The following ANK2 variants were observed in gnomAD, a reference collection of about 807,000 sequenced individuals.
ANK2 encodes the protein ankyrin-2.
In ANK2, 83 loss-of-function variants were observed where a neutral mutation model predicts 360.5. The observed-to-expected ratio is 0.23, with a 90% CI of 0.19 to 0.28. The LOEUF (loss-of-function observed/expected upper bound fraction) is 0.28, where lower values mean the gene tolerates loss of function less well. ANK2 is among the 10% of genes least tolerant of loss of function. ANK2 has a pLI of 1.00. For missense variants in ANK2, 4,201 were observed against 4,795.7 expected (o/e 0.88, Z 3.66); for synonymous variants, 1,740 against 1,759.5 (o/e 0.99, Z 0.28).
intron 2 of ANK2, among the ~76,000 whole-genome samples, chr4:112,990,737 C>T (rs2046457708): frequency 6.6e-6 from 1 of 152,154 alleles, no homozygotes; most frequent in Admixed American, 6.5e-5. Context: ...GCTCAGAGCA[C>T]CAGGATTCTC....
At chr4:112,848,259 A>G (rs2149902769) in intron 1 of ANK2, among the ~76,000 whole-genome samples, 1 of 152,290 alleles carries the variant, frequency 6.6e-6, no homozygotes, top group Middle Eastern at 3.4e-3. Flanking sequence ...TCCTGGGTTC[A>G]AGCGATTCTC....
At chr4:112,777,254 T>A in the ANK2 span, among the ~76,000 whole-genome samples, 1 of 152,154 alleles carries the variant, frequency 6.6e-6, no homozygotes, top group Non-Finnish European at 1.5e-5. Flanking sequence ...TTATTTATTT[T>A]TTGAGACAGA....
chr4:112,766,196 G>A, the ANK2 span, among the ~76,000 whole-genome samples: 1 of 152,090 alleles, frequency 6.6e-6, no homozygotes, highest in Admixed American at 6.6e-5. Context: ...GCCGGGCGTG[G>A]TGGTGCACGC....
At chr4:113,363,832 G>A (rs2096378339) in intron 40 of ANK2, among the ~76,000 whole-genome samples, 1 of 152,186 alleles carries the variant, frequency 6.6e-6, no homozygotes, top group African/African-American at 2.4e-5. Context: ...CCCCTGCAAT[G>A]GGATGGCATC....
intron 2 of ANK2, among the ~76,000 whole-genome samples, chr4:112,945,711 A>T (rs1314571953): frequency 6.6e-6 from 1 of 152,228 alleles, no homozygotes; most frequent in Non-Finnish European, 1.5e-5. Context: ...AACAGACTCC[A>T]GTTTGAAAAA....
At chr4:112,993,593 A>T (rs2047586561) in intron 2 of ANK2, among the ~76,000 whole-genome samples, 1 of 151,964 alleles carries the variant, frequency 6.6e-6, no homozygotes, top group African/African-American at 2.4e-5. Flanking sequence ...GGCATGAGCC[A>T]CTGTGCCTGG....
chr4:113,063,233 A>G (rs1452823753), intron 1 of ANK2, among the ~76,000 whole-genome samples: 1 of 152,134 alleles, frequency 6.6e-6, no homozygotes, highest in African/African-American at 2.4e-5. Flanking sequence ...TGTGTTTTAA[A>G]TGATAGCATT....
chr4:113,012,729 T>C (rs992036072), intron 2 of ANK2, among the ~76,000 whole-genome samples: 9 of 152,318 alleles, frequency 5.9e-5, no homozygotes, highest in African/African-American at 1.9e-4. Context: ...TGCCATTATT[T>C]ACCTGTATTC....
chr4:112,829,363 TCGTATCCTCAGGC>T lies in ANK2; in HGVS notation c.-40+11101_-40+11113del, dbSNP rs576344022. On this transcript the variant is annotated intron_variant, in intron 1 of 30. Transcript: ENST00000503271. Reference sequence around the variant, plus strand: ...ACATATATATTTACAATTATATTTATCGTATCCTCAGGCCTAGTGCAGTGGCTCATGCCTATAA... The same window carrying T: ...ACATATATATTTACAATTATATTTATCTAGTGCAGTGGCTCATGCCTATAA... Among the ~76,000 whole-genome samples the T allele has an allele frequency of 1.3e-3, 199 of 151,854 alleles. 1 individual carries two copies. Among genetic ancestry groups the T allele is most frequent in the African/African-American group, 4.5e-3 (185 of 41,414 alleles).
chr4:113,014,268 A>C (rs2055769676), intron 2 of ANK2, among the ~76,000 whole-genome samples: 1 of 152,240 alleles, frequency 6.6e-6, no homozygotes, highest in Admixed American at 6.5e-5. Context: ...TAAAAGATAA[A>C]AAAGCCAACA....
intron 1 of ANK2, among the ~76,000 whole-genome samples, chr4:113,135,146 T>C (rs1023752880): frequency 1.3e-5 from 2 of 152,208 alleles, no homozygotes. Context: ...TGTTTTTGCA[T>C]TTACAAGATG....
At chr4:112,743,294 A>G in the ANK2 span, among the ~76,000 whole-genome samples, 2 of 152,072 alleles carry the variant, frequency 1.3e-5, no homozygotes, top group Admixed American at 1.3e-4. Flanking sequence ...TTTAATTATT[A>G]TTTACATATT....
chr4:112,766,657 C>T, the ANK2 span, among the ~76,000 whole-genome samples: 2 of 152,190 alleles, frequency 1.3e-5, no homozygotes. Context: ...TATCCCTCTA[C>T]CCTCAAGCCC....
Position 112,926,167 on chromosome 4 carries a change from A to G in ANK2, c.21+21653A>G, listed in dbSNP as rs576034550. Reference sequence around the variant, plus strand: ...AAAACAAAGCACAGCAAAACAAAACAGAACAGAAAGCCTCCTCCAGTCATT... The same window carrying G: ...AAAACAAAGCACAGCAAAACAAAACGGAACAGAAAGCCTCCTCCAGTCATT... On this transcript the variant is annotated intron_variant, in intron 2 of 30. Transcript: ENST00000503271. Among the ~76,000 whole-genome samples the G allele has an allele frequency of 1.1e-4, 16 of 152,314 alleles. No homozygotes were observed. In the South Asian group the frequency reaches 3.3e-3, roughly 32 times the overall value.
At chr4:113,212,813 AATTCAGCACTAGTGCAGCCATG>A (rs2099040027) in intron 4 of ANK2, among the ~76,000 whole-genome samples, 1 of 152,224 alleles carries the variant, frequency 6.6e-6, no homozygotes, top group Non-Finnish European at 1.5e-5. Context: ...ATTGTTACCA[AATTCAGCACTAGTGCAGCCATG>A]CAAGACCAGC....
At chr4:113,311,205 T>G in intron 23 of ANK2, 50 bp from the exon 24 acceptor site, 1 of 1,611,450 alleles carries the variant, frequency 6.2e-7, no homozygotes, top group Non-Finnish European at 8.5e-7. Context: ...ATGTTGTAGT[T>G]GATATTACAT....
intron 28 of ANK2, 79 bp downstream of exon 28, chr4:113,332,149 TG>T (rs1393618321): frequency 7.7e-7 from 1 of 1,293,220 alleles, no homozygotes; most frequent in Non-Finnish European, 1.1e-6. Flanking sequence ...TTCTCTTTTT[TG>T]TCATTGTGCC....
At chr4:113,210,393 C>T (rs926625447) in intron 4 of ANK2, among the ~76,000 whole-genome samples, 1 of 152,102 alleles carries the variant, frequency 6.6e-6, no homozygotes, top group Non-Finnish European at 1.5e-5. Flanking sequence ...AATAATTGAC[C>T]AGAGGACTTT....
chr4:112,831,701 C>T (rs1487075477), intron 1 of ANK2, among the ~76,000 whole-genome samples: 8 of 152,138 alleles, frequency 5.3e-5, no homozygotes, highest in African/African-American at 7.2e-5. Flanking sequence ...TTTGTTTTTT[C>T]GCTCTTCACA....
Sources: allele counts gnomAD v4.1 joint callset (sites outside exome capture counted in the v4.1 genomes callset), GRCh38; gene constraint gnomAD v4.1.1; transcripts MANE v1.5; gene names NCBI Gene and HGNC (gene_info 2026-07-23, HGNC 2026-07-21).